Variants in BMPER observed in about 807,000 individuals in gnomAD.
BMPER encodes the protein BMP binding endothelial regulator.
A neutral mutation model predicts 87.3 loss-of-function variants in BMPER; 45 were observed. The observed-to-expected ratio is 0.52, with a 90% CI of 0.41 to 0.66. The LOEUF (loss-of-function observed/expected upper bound fraction) is 0.66. BMPER is among the 30% of genes least tolerant of loss of function. The pLI, the probability that BMPER is intolerant of heterozygous loss-of-function variation, is 0.00. For synonymous variants in BMPER, 326 were observed against 316.2 expected, an observed-to-expected ratio of 1.03 and a Z score of -0.33; for missense variants, 784 against 867.5, an observed-to-expected ratio of 0.90 and a Z score of 1.21.
intron 13 of BMPER, among the ~76,000 whole-genome samples, chr7:34,117,641 A>C (rs1476202223): frequency 6.6e-6 from 1 of 152,174 alleles, no homozygotes; most frequent in Non-Finnish European, 1.5e-5. Context: ...TAATTTTTTC[A>C]TTCTTGTCAT....
chr7:34,052,174 C>G (rs917655940), intron 8 of BMPER, among the ~76,000 whole-genome samples: 1 of 152,120 alleles, frequency 6.6e-6, no homozygotes, highest in Non-Finnish European at 1.5e-5. Flanking sequence ...TTCTAAGGAC[C>G]AAGAAGTTAG....
intron 2 of BMPER, among the ~76,000 whole-genome samples, chr7:33,932,992 C>T (rs956062198): frequency 6.6e-6 from 1 of 152,160 alleles, no homozygotes; most frequent in Non-Finnish European, 1.5e-5. Flanking sequence ...GGGAAATACT[C>T]CCAAGGCTCT....
intron 6 of BMPER, among the ~76,000 whole-genome samples, chr7:34,007,869 G>A (rs1786776168): frequency 6.6e-6 from 1 of 151,796 alleles, no homozygotes; most frequent in South Asian, 2.1e-4. Flanking sequence ...ATTGTTTTAG[G>A]GTACTGTGAA....
At chr7:34,105,964 C>G (rs902739345) in intron 13 of BMPER, among the ~76,000 whole-genome samples, 3 of 152,200 alleles carry the variant, frequency 2.0e-5, no homozygotes, top group Non-Finnish European at 4.4e-5. Context: ...CAAAGCCTGT[C>G]TTCCAGATGG....
chr7:34,034,940 A>G (rs1184140192), intron 6 of BMPER, among the ~76,000 whole-genome samples: 1 of 152,136 alleles, frequency 6.6e-6, no homozygotes, highest in Non-Finnish European at 1.5e-5. Context: ...GGACCTGCCC[A>G]GACATGTCAG....
At chr7:34,134,278 T>G (rs1333115795) in intron 13 of BMPER, among the ~76,000 whole-genome samples, 1 of 152,218 alleles carries the variant, frequency 6.6e-6, no homozygotes, top group Middle Eastern at 3.2e-3. Context: ...TTTTATGTTC[T>G]TTTTTATCAG....
At chr7:33,990,157 T>G (rs376199973) in intron 6 of BMPER, among the ~76,000 whole-genome samples, 17,098 of 148,120 alleles carry the variant, frequency 0.12, 1,351 homozygotes, top group Admixed American at 0.21. Flanking sequence ...GTGAAGAAAG[T>G]CATTGGTAGC....
intron 13 of BMPER, among the ~76,000 whole-genome samples, chr7:34,109,578 T>G (rs1789908970): frequency 6.6e-6 from 1 of 152,194 alleles, no homozygotes; most frequent in African/African-American, 2.4e-5. Flanking sequence ...CTTTCTCAGG[T>G]TTCTCTACTG....
chr7:33,966,579 C>T lies in BMPER; in HGVS notation c.402+18C>T, dbSNP rs1260633532. The stretch of plus-strand genomic sequence containing the variant: ...AGTGCCAGGTAAAGTTCAATTATTT[C>T]TCTCTCCAGTAAAAAGGAATCCATA... On this transcript the variant is annotated intron_variant, in intron 4 of 14. Coordinates refer to ENST00000649409, the MANE Select transcript of BMPER (RefSeq NM_001365308.1). The T allele has an allele frequency of 2.5e-6, 4 of 1,609,202 alleles. No individual in the cohort carries two copies. The South Asian group carries it at 4.4e-5, about 18-fold the overall frequency.
chr7:34,006,464 G>A lies in BMPER; in HGVS notation c.576+31680G>A, dbSNP rs962183392. 2.0e-5 allele frequency among the ~76,000 whole-genome samples: 3 copies of A among 152,064 alleles called. No individual in the cohort carries two copies. In the East Asian group the frequency reaches 5.8e-4, roughly 29 times the overall value. On this transcript the variant is annotated intron_variant, in intron 6 of 14. Coordinates refer to ENST00000649409, the MANE Select transcript of BMPER (RefSeq NM_001365308.1). ...TCTATCATTTGCCAAAAGAGAGGAA[G>A]AATAATGATAAAACCAGAAAGCAGA...
chr7:34,039,626 ACACAC>A (rs1787780173), intron 6 of BMPER, among the ~76,000 whole-genome samples: 3 of 151,846 alleles, frequency 2.0e-5, no homozygotes, highest in African/African-American at 7.3e-5. Flanking sequence ...ACACACACAC[ACACAC>A]ACACACACAC....
At chr7:33,942,731 C>T (rs1299213549) in intron 3 of BMPER, among the ~76,000 whole-genome samples, 6 of 152,290 alleles carry the variant, frequency 3.9e-5, no homozygotes, top group South Asian at 4.1e-4. Flanking sequence ...ACCATGTAGG[C>T]GTGAGAAATC....
intron 14 of BMPER, 86 bp from the exon 15 acceptor site, chr7:34,153,006 A>G: frequency 1.3e-6 from 2 of 1,485,150 alleles, no homozygotes; most frequent in Non-Finnish European, 1.9e-6. Flanking sequence ...ATGAAGTGTC[A>G]TGAGCCTGCA....
intron 11 of BMPER, among the ~76,000 whole-genome samples, chr7:34,075,522 A>C (rs149068959): frequency 2.6e-5 from 4 of 152,338 alleles, no homozygotes; most frequent in African/African-American, 7.2e-5. Context: ...GATGAGATCT[A>C]ATGATTTGAC....
chr7:33,905,619 C>G lies in BMPER; in HGVS notation c.6C>G (p.Leu2=). M[L]WFSGVGALAE... is the part of the protein sequence containing the mutation. ...GGGATTCCCTCCAGGTGACGATGCTCTGGTTCTCCGGCGTCGGGGCTCTGG... is the reference window on the plus strand; with the variant it reads ...GGGATTCCCTCCAGGTGACGATGCTGTGGTTCTCCGGCGTCGGGGCTCTGG... Residue 2 remains leucine, a synonymous_variant, in exon 1 of 15, where the codon CTC becomes CTG. Transcript: ENST00000649409. 8 of 1,612,714 alleles carry G rather than the reference C, an allele frequency of 5.0e-6. No individual in the cohort carries two copies. Among genetic ancestry groups the G allele is most frequent in the Non-Finnish European group, 5.9e-6 (7 of 1,179,902 alleles).
At chr7:33,991,618 C>T (rs1193653071) in intron 6 of BMPER, among the ~76,000 whole-genome samples, 1 of 152,142 alleles carries the variant, frequency 6.6e-6, no homozygotes, top group Non-Finnish European at 1.5e-5. Flanking sequence ...GTATTTCCTT[C>T]AGTTCTGCTC....
At chr7:34,119,014 T>TCTCACACACA (rs66493349) in intron 13 of BMPER, among the ~76,000 whole-genome samples, 37 of 135,780 alleles carry the variant, frequency 2.7e-4, no homozygotes, top group African/African-American at 5.3e-4. Context: ...TCTCTCTCTC[T>TCTCACACACA]CACACACACA....
chr7:33,917,676 C>G (rs1350902312), intron 2 of BMPER, among the ~76,000 whole-genome samples: 1 of 152,146 alleles, frequency 6.6e-6, no homozygotes, highest in African/African-American at 2.4e-5. Context: ...GGATAGAATA[C>G]AAATAAGGAA....
rs543088769 is a variant in BMPER, at chr7:34,156,048, C to T, written c.*2775C>T. ...GGAAGAAAAGATATCTCTTTGGCAT[C>T]GACAAGAGCAATTTTTGTTAAAACT... On this transcript the variant is annotated 3_prime_UTR_variant, in exon 15 of 15. Coordinates refer to ENST00000649409, the MANE Select transcript of BMPER (RefSeq NM_001365308.1). Among the ~76,000 whole-genome samples, 92 of 152,258 alleles carry T rather than the reference C, an allele frequency of 6.0e-4. No homozygotes were observed. Among genetic ancestry groups the T allele is most frequent in the Middle Eastern group, 3.4e-3 (1 of 294 alleles).
Sources: gnomAD v4.1 joint callset for allele counts (sites outside exome capture counted in the v4.1 genomes callset) on GRCh38, gnomAD v4.1.1 for gene constraint, MANE v1.5 for transcripts, NCBI Gene and HGNC (gene_info 2026-07-23, HGNC 2026-07-21) for gene names.